The following CDH13 variants were observed in gnomAD, a reference collection of about 807,000 sequenced individuals.
The protein encoded by CDH13 is cadherin 13, also known as cadherin-13.
Under a neutral mutation model 63.8 loss-of-function variants are expected in CDH13, and 24 were observed. The observed-to-expected ratio is 0.38, with a 90% CI of 0.27 to 0.53. The LOEUF (loss-of-function observed/expected upper bound fraction) is 0.53, where lower values mean the gene tolerates loss of function less well. CDH13 is among the 20% of genes least tolerant of loss of function. The pLI, the probability that CDH13 is intolerant of heterozygous loss-of-function variation, is 0.85. For synonymous variants in CDH13, 503 were observed against 355.3 expected, an observed-to-expected ratio of 1.42 and a Z score of -4.67; for missense variants, 1,049 against 903.1, an observed-to-expected ratio of 1.16 and a Z score of -2.07.
At chr16:83,789,052 C>G (rs1235719192) in intron 13 of CDH13, among the ~76,000 whole-genome samples, 1 of 152,186 alleles carries the variant, frequency 6.6e-6, no homozygotes, top group Non-Finnish European at 1.5e-5. Flanking sequence ...TGCCAAATGT[C>G]ATGATTTACG....
chr16:83,402,712 A>G (rs563409592), intron 6 of CDH13, among the ~76,000 whole-genome samples: 9 of 152,314 alleles, frequency 5.9e-5, no homozygotes, highest in Middle Eastern at 3.4e-3. Context: ...ATAGTGCCCA[A>G]CACTCAGGAA....
At chr16:82,912,521 G>A (rs182944646) in intron 2 of CDH13, among the ~76,000 whole-genome samples, 39 of 152,326 alleles carry the variant, frequency 2.6e-4, no homozygotes, top group Admixed American at 5.2e-4. Context: ...TAAAGTAAAT[G>A]AGTGATGACT....
intron 2 of CDH13, among the ~76,000 whole-genome samples, chr16:82,867,737 A>G (rs1034881723): frequency 6.6e-6 from 1 of 152,222 alleles, no homozygotes; most frequent in Non-Finnish European, 1.5e-5. Flanking sequence ...TTGCATCCTA[A>G]GGGAGGAAAT....
At chr16:82,744,163 G>A (rs1467636888) in intron 1 of CDH13, among the ~76,000 whole-genome samples, 2 of 152,214 alleles carry the variant, frequency 1.3e-5, no homozygotes, top group African/African-American at 2.4e-5. Context: ...GACAGAGATA[G>A]GATGGCAGCC....
chr16:83,784,276 G>A (rs552720324), intron 13 of CDH13, among the ~76,000 whole-genome samples: 4 of 152,276 alleles, frequency 2.6e-5, no homozygotes, highest in East Asian at 1.9e-4. Context: ...AAATCACATA[G>A]TACAACATTG....
At chr16:82,665,149 C>G (rs915770666) in intron 1 of CDH13, among the ~76,000 whole-genome samples, 2 of 152,148 alleles carry the variant, frequency 1.3e-5, no homozygotes, top group Admixed American at 1.3e-4. Flanking sequence ...AAACAAATAT[C>G]CTTTTCATGA....
intron 6 of CDH13, among the ~76,000 whole-genome samples, chr16:83,417,233 G>T (rs2071576781): frequency 6.6e-6 from 1 of 152,064 alleles, no homozygotes; most frequent in African/African-American, 2.4e-5. Flanking sequence ...TTTTGACCTG[G>T]GCTTCCCTGC....
At chr16:83,596,372 C>A (rs1387063109) in intron 7 of CDH13, among the ~76,000 whole-genome samples, 1 of 152,106 alleles carries the variant, frequency 6.6e-6, no homozygotes, top group Non-Finnish European at 1.5e-5. Context: ...ACTCTCAGTC[C>A]CACATTTCCT....
At position 83,670,867 on chromosome 16, in the gene CDH13, A is replaced by G. The variant is rs766592319; in HGVS notation, c.1179A>G (p.Thr393=). The G allele has an allele frequency of 6.2e-7, 1 of 1,613,744 alleles. No homozygotes were observed. Among genetic ancestry groups the G allele is most frequent in the Admixed American group, 1.7e-5 (1 of 60,022 alleles). Residue 393 remains threonine, a synonymous_variant, in exon 9 of 14, where the codon ACA becomes ACG. Coordinates refer to ENST00000567109, the MANE Select transcript of CDH13 (RefSeq NM_001257.5). ...TTGAAGATAAGGATGACCCCACCAC[A>G]GGTGCATGGAGGGCTGCCTACACCA... ...LTVEDKDDPT[T]GAWRAAYTII...
chr16:83,470,724 C>A (rs1423240014), intron 6 of CDH13, among the ~76,000 whole-genome samples: 1 of 152,250 alleles, frequency 6.6e-6, no homozygotes, highest in East Asian at 1.9e-4. Context: ...CAGAGCTGCA[C>A]GTCCTCTGCC....
chr16:83,359,532 C>T (rs1351192534), intron 6 of CDH13, among the ~76,000 whole-genome samples: 2 of 152,122 alleles, frequency 1.3e-5, no homozygotes, highest in East Asian at 3.9e-4. Context: ...AGTCCTGGCT[C>T]CTTCTCTTAT....
At chr16:82,759,382 G>A (rs1358179118) in intron 1 of CDH13, among the ~76,000 whole-genome samples, 1 of 152,092 alleles carries the variant, frequency 6.6e-6, no homozygotes, top group East Asian at 1.9e-4. Flanking sequence ...CCATTTTAGG[G>A]AAGATCAGGA....
intron 1 of CDH13, among the ~76,000 whole-genome samples, chr16:82,706,792 A>G (rs897636373): frequency 6.6e-6 from 1 of 151,960 alleles, no homozygotes; most frequent in African/African-American, 2.4e-5. Context: ...TGACAGAGCG[A>G]GACTCTGTCT....
At chr16:83,282,800 C>T (rs1171015488) in intron 5 of CDH13, among the ~76,000 whole-genome samples, 1 of 152,282 alleles carries the variant, frequency 6.6e-6, no homozygotes, top group African/African-American at 2.4e-5. Flanking sequence ...TCATTCAGGG[C>T]TGCTGATGGG....
chr16:83,020,401 G>T (rs1450780392), intron 2 of CDH13, among the ~76,000 whole-genome samples: 1 of 152,108 alleles, frequency 6.6e-6, no homozygotes, highest in Non-Finnish European at 1.5e-5. Context: ...ACTGCCCTCT[G>T]TGGGAAAAGT....
chr16:83,662,689 T>C (rs899044879), intron 8 of CDH13, among the ~76,000 whole-genome samples: 2 of 152,210 alleles, frequency 1.3e-5, no homozygotes, highest in African/African-American at 4.8e-5. Flanking sequence ...GAAAAAATAC[T>C]TGAGAAAACA....
chr16:82,725,586 ACC>A (rs2033049798), intron 1 of CDH13, among the ~76,000 whole-genome samples: 1 of 152,150 alleles, frequency 6.6e-6, no homozygotes, highest in African/African-American at 2.4e-5. Flanking sequence ...GCACATGGTG[ACC>A]TCTTAATGAA....
intron 6 of CDH13, among the ~76,000 whole-genome samples, chr16:83,462,613 C>G (rs566128127): frequency 1.1e-4 from 17 of 152,224 alleles, no homozygotes; most frequent in Non-Finnish European, 2.1e-4. Flanking sequence ...AATAAATTAG[C>G]CAGGTGTGAT....
intron 3 of CDH13, among the ~76,000 whole-genome samples, chr16:83,036,045 A>C (rs1023762174): frequency 3.3e-5 from 5 of 151,954 alleles, no homozygotes; most frequent in Admixed American, 2.0e-4. Context: ...GGAGACTGAG[A>C]CACAATGGGG....
Sources: gnomAD v4.1 joint callset for allele counts (sites outside exome capture counted in the v4.1 genomes callset) on GRCh38, gnomAD v4.1.1 for gene constraint, MANE v1.5 for transcripts, NCBI Gene and HGNC (gene_info 2026-07-23, HGNC 2026-07-21) for gene names.